Variants in DIAPH3 observed in about 807,000 individuals in gnomAD.
The protein encoded by DIAPH3 is protein diaphanous homolog 3.
Under a neutral mutation model 144.3 loss-of-function variants are expected in DIAPH3, and 117 were observed. The ratio of observed to expected loss-of-function variants is 0.81; its 90% CI spans 0.70 to 0.95. DIAPH3 has a LOEUF of 0.95. DIAPH3 is among the 40% of genes least tolerant of loss of function. The pLI, the probability that DIAPH3 is intolerant of heterozygous loss-of-function variation, is 0.00. For missense variants in DIAPH3, 1,421 were observed against 1,412.7 expected (o/e 1.01, Z -0.09); for synonymous variants, 519 against 488.9 (o/e 1.06, Z -0.81).
At chr13:59,934,884 A>T (rs78727759) in intron 17 of DIAPH3, among the ~76,000 whole-genome samples, 288 of 152,240 alleles carry the variant, frequency 1.9e-3, no homozygotes, top group African/African-American at 6.3e-3. Context: ...TTGCATTTAC[A>T]CTTGATCCAA....
At chr13:59,941,280 G>A (rs565846161) in intron 17 of DIAPH3, among the ~76,000 whole-genome samples, 271 of 152,240 alleles carry the variant, frequency 1.8e-3, no homozygotes, top group Admixed American at 3.3e-3. Flanking sequence ...CATGAGAAAA[G>A]GACAGAGTGT....
intron 27 of DIAPH3, among the ~76,000 whole-genome samples, chr13:59,692,062 G>A (rs936161368): frequency 6.7e-6 from 1 of 148,592 alleles, no homozygotes; most frequent in African/African-American, 2.5e-5. Context: ...CTGTTCTATG[G>A]TTTTGATAAA....
chr13:60,062,448 C>T (rs183934455), intron 4 of DIAPH3, among the ~76,000 whole-genome samples: 12 of 152,104 alleles, frequency 7.9e-5, no homozygotes, highest in Admixed American at 2.6e-4. Context: ...AGTTTTTTTA[C>T]GATTACTACT....
At chr13:59,968,011 A>T (rs2050153643) in intron 17 of DIAPH3, among the ~76,000 whole-genome samples, 1 of 152,252 alleles carries the variant, frequency 6.6e-6, no homozygotes, top group African/African-American at 2.4e-5. Flanking sequence ...AAGGACCAGC[A>T]GTACAAAGGC....
intron 21 of DIAPH3, among the ~76,000 whole-genome samples, chr13:59,863,575 T>C (rs1218125849): frequency 2.0e-5 from 3 of 152,120 alleles, no homozygotes; most frequent in African/African-American, 7.2e-5. Flanking sequence ...TCAAAAACTA[T>C]CATAGAGCCG....
Position 59,992,151 on chromosome 13 carries a change from G to C in DIAPH3, c.1161C>G (p.Ile387Met). The C allele has an allele frequency of 6.2e-7, 1 of 1,611,634 alleles. No homozygotes were observed. The highest frequency in any genetic ancestry group is 1.3e-5 in the African/African-American group (1 of 74,876). Residue 387 changes from isoleucine to methionine, a missense_variant, in exon 11 of 28, where the codon ATC becomes ATG. Ile to Met is a conservative substitution (Grantham distance 10, BLOSUM62 1). Coordinates refer to ENST00000400324, the MANE Select transcript of DIAPH3 (RefSeq NM_001042517.2). ...TATGCTCATCAAAGACTTTAAGTTG[G>C]ATATCCAGGCCATCATTCTTAATGC... The part of the protein sequence containing the change: ...LKCIKNDGLD[I>M]QLKVFDEHKE...
chr13:59,705,873 A>G (rs1233002478), intron 27 of DIAPH3, among the ~76,000 whole-genome samples: 1 of 152,120 alleles, frequency 6.6e-6, no homozygotes, highest in African/African-American at 2.4e-5. Flanking sequence ...TGCTGATATT[A>G]CTAAGCAGGT....
intron 20 of DIAPH3, among the ~76,000 whole-genome samples, chr13:59,892,917 A>G (rs1260067290): frequency 6.6e-6 from 1 of 152,084 alleles, no homozygotes; most frequent in Non-Finnish European, 1.5e-5. Flanking sequence ...GGATAGAAAA[A>G]GGCATAGCAT....
chr13:59,965,590 A>T (rs926385285), intron 17 of DIAPH3, among the ~76,000 whole-genome samples: 1 of 152,018 alleles, frequency 6.6e-6, no homozygotes, highest in African/African-American at 2.4e-5. Flanking sequence ...TGATGATACC[A>T]AATGTTCAAT....
chr13:59,848,472 C>G (rs1446922948), intron 22 of DIAPH3, among the ~76,000 whole-genome samples: 1 of 150,946 alleles, frequency 6.6e-6, no homozygotes, highest in East Asian at 2.0e-4. Flanking sequence ...CCCGCTCCCC[C>G]CACCCCACCA....
intron 22 of DIAPH3, among the ~76,000 whole-genome samples, chr13:59,841,674 G>C (rs2042353576): frequency 6.6e-6 from 1 of 152,166 alleles, no homozygotes; most frequent in African/African-American, 2.4e-5. Flanking sequence ...CAAAAAAGTA[G>C]TGTATTAGTA....
intron 27 of DIAPH3, among the ~76,000 whole-genome samples, chr13:59,765,007 T>C (rs895558284): frequency 1.3e-5 from 2 of 152,110 alleles, no homozygotes; most frequent in South Asian, 2.1e-4. Flanking sequence ...ATTAAAGATA[T>C]CTTGATGTCA....
At chr13:60,073,706 CTTAAA>C (rs879757117) in intron 4 of DIAPH3, among the ~76,000 whole-genome samples, 1 of 152,130 alleles carries the variant, frequency 6.6e-6, no homozygotes, top group East Asian at 1.9e-4. Flanking sequence ...AAACTGAACA[CTTAAA>C]TTATTCACAG....
chr13:59,812,957 A>T (rs1169107633), intron 24 of DIAPH3, among the ~76,000 whole-genome samples: 1 of 152,112 alleles, frequency 6.6e-6, no homozygotes, highest in African/African-American at 2.4e-5. Flanking sequence ...TCTCCCTCCT[A>T]AGCTAAGGGG....
At chr13:60,109,222 C>T (rs1408657236) in intron 3 of DIAPH3, among the ~76,000 whole-genome samples, 1 of 152,126 alleles carries the variant, frequency 6.6e-6, no homozygotes, top group African/African-American at 2.4e-5. Flanking sequence ...CAGAGACACA[C>T]ACTTCTTTCA....
intron 5 of DIAPH3, among the ~76,000 whole-genome samples, chr13:60,021,992 A>G (rs1397136858): frequency 1.3e-5 from 2 of 152,200 alleles, no homozygotes; most frequent in African/African-American, 4.8e-5. Context: ...GTAATTCATT[A>G]GAATTACAAT....
At chr13:59,707,287 C>G (rs75567875) in intron 27 of DIAPH3, among the ~76,000 whole-genome samples, 1,532 of 152,208 alleles carry the variant, frequency 0.01, 18 homozygotes, top group African/African-American at 0.035. Context: ...ATGGATTGAC[C>G]AGCAATCAGT....
Position 60,160,894 on chromosome 13 carries a change from C to G in DIAPH3, c.180+2693G>C, listed in dbSNP as rs150917315. ...TATACTTATCTATGGGAAGAGATAT[C>G]TAAGCTACAAACTCTTTTACCCAAC... is the stretch of plus-strand genomic sequence containing the variant. On this transcript the variant is annotated intron_variant, in intron 1 of 27. Coordinates refer to ENST00000400324, the MANE Select transcript of DIAPH3 (RefSeq NM_001042517.2). 3.2e-3 allele frequency among the ~76,000 whole-genome samples: 481 copies of G among 152,346 alleles called. 2 individuals carry two copies. The highest frequency in any genetic ancestry group is 0.011 in the African/African-American group (454 of 41,582).
intron 25 of DIAPH3, among the ~76,000 whole-genome samples, chr13:59,809,601 A>T (rs2040370579): frequency 6.6e-6 from 1 of 152,202 alleles, no homozygotes; most frequent in South Asian, 2.1e-4. Flanking sequence ...ATATTTTAAA[A>T]ATAAATACTA....
Sources: gnomAD v4.1 joint callset for allele counts (sites outside exome capture counted in the v4.1 genomes callset) on GRCh38, gnomAD v4.1.1 for gene constraint, MANE v1.5 for transcripts, NCBI Gene and HGNC (gene_info 2026-07-23, HGNC 2026-07-21) for gene names.